Variants in RNF217 observed in about 807,000 individuals in gnomAD.
The protein encoded by RNF217 is E3 ubiquitin-protein ligase RNF217.
In RNF217, 31 loss-of-function variants were observed where a neutral mutation model predicts 57.8. That is an observed-to-expected ratio of 0.54 (90% CI 0.40 to 0.72). The LOEUF is 0.72. RNF217 is among the 30% of genes least tolerant of loss of function. The pLI is 0.00. For synonymous variants in RNF217, 313 were observed against 294.0 expected (o/e 1.06, Z -0.66); for missense variants, 696 against 708.3 (o/e 0.98, Z 0.20).
At chr6:125,049,021 A>G (rs1298927909) in intron 2 of RNF217, among the ~76,000 whole-genome samples, 1 of 152,018 alleles carries the variant, frequency 6.6e-6, no homozygotes, top group Non-Finnish European at 1.5e-5. Flanking sequence ...TCTTCTCCCT[A>G]AAACTCTTGT....
At chr6:125,052,326 A>ATTTGT (rs557558665) in intron 2 of RNF217, among the ~76,000 whole-genome samples, 7,157 of 129,966 alleles carry the variant, frequency 0.055, 429 homozygotes, top group African/African-American at 0.16. Context: ...GTGTGGTTTT[A>ATTTGT]TTTGTTTTGT....
chr6:125,041,583 C>T lies in RNF217; in HGVS notation c.883-3628C>T, dbSNP rs79977753. On this transcript the variant is annotated intron_variant, in intron 1 of 5. Coordinates refer to ENST00000521654, the MANE Select transcript of RNF217 (RefSeq NM_001286398.3). ...GCTCTGAGCAGAGGCAAATCAGACA[C>T]CTTCTGACTGGAGCCAATGTTCTTG... Among the ~76,000 whole-genome samples the T allele has an allele frequency of 3.2e-4, 48 of 152,204 alleles. No individual in the cohort carries two copies. In the East Asian group the frequency reaches 7.7e-3, roughly 25 times the overall value.
At chr6:125,022,520 T>C (rs1376402470) in intron 1 of RNF217, among the ~76,000 whole-genome samples, 2 of 152,156 alleles carry the variant, frequency 1.3e-5, no homozygotes, top group East Asian at 3.9e-4. Flanking sequence ...AATTAGCACA[T>C]TGAGTGCAAC....
At chr6:124,970,170 T>C (rs754133359) in intron 1 of RNF217, among the ~76,000 whole-genome samples, 1 of 152,186 alleles carries the variant, frequency 6.6e-6, no homozygotes. Flanking sequence ...AAGAAGATAC[T>C]GAGCAACAGA....
Position 125,090,557 on chromosome 6 carries a change from T to C in RNF217, c.*7620T>C, listed in dbSNP as rs1397614255. 1 of 151,732 alleles carries C rather than the reference T, an allele frequency of 6.6e-6. No individual in the cohort carries two copies. Among genetic ancestry groups the C allele is most frequent in the African/African-American group, 2.4e-5 (1 of 41,454 alleles). 9.4% of individuals were successfully genotyped at this position (151,732 alleles called of 1,614,324 possible). Reference sequence around the variant, plus strand: ...CAGAAATTACAGTTCTAAGGAATTATTGTCATCCTCTAAGTATCAGAATGT... The same window carrying C: ...CAGAAATTACAGTTCTAAGGAATTACTGTCATCCTCTAAGTATCAGAATGT... On this transcript the variant is annotated 3_prime_UTR_variant, in exon 6 of 6. Coordinates refer to ENST00000521654, the MANE Select transcript of RNF217 (RefSeq NM_001286398.3).
intron 1 of RNF217, among the ~76,000 whole-genome samples, chr6:125,031,254 T>G (rs1405306253): frequency 6.6e-6 from 1 of 152,218 alleles, no homozygotes; most frequent in African/African-American, 2.4e-5. Flanking sequence ...GATGAAGGCC[T>G]CTGACATGGC....
intron 1 of RNF217, among the ~76,000 whole-genome samples, chr6:124,985,037 G>A (rs1239032569): frequency 3.9e-5 from 6 of 152,140 alleles, no homozygotes; most frequent in Non-Finnish European, 5.9e-5. Flanking sequence ...GCCAATAAAT[G>A]TATACAAAAA....
chr6:125,013,012 T>A (rs1785467704), intron 1 of RNF217, among the ~76,000 whole-genome samples: 1 of 152,196 alleles, frequency 6.6e-6, no homozygotes, highest in Non-Finnish European at 1.5e-5. Context: ...AGCATTTCTA[T>A]CTTGATTCTT....
intron 1 of RNF217, among the ~76,000 whole-genome samples, chr6:124,997,705 T>G (rs1784805718): frequency 6.6e-6 from 1 of 152,192 alleles, no homozygotes; most frequent in Non-Finnish European, 1.5e-5. Context: ...TCAGGGTAAA[T>G]CCTGCATCTT....
chr6:125,024,244 C>T (rs1562473331), intron 1 of RNF217, among the ~76,000 whole-genome samples: 1 of 151,996 alleles, frequency 6.6e-6, no homozygotes, highest in Non-Finnish European at 1.5e-5. Flanking sequence ...GAAGAAAAGT[C>T]GGGAGGGGAT....
At chr6:125,047,091 A>G (rs1002927284) in intron 2 of RNF217, among the ~76,000 whole-genome samples, 26 of 152,236 alleles carry the variant, frequency 1.7e-4, no homozygotes, top group Non-Finnish European at 2.8e-4. Context: ...GTATAAGATC[A>G]GGAAATTACT....
chr6:125,013,793 G>A (rs1785508203), intron 1 of RNF217, among the ~76,000 whole-genome samples: 1 of 152,126 alleles, frequency 6.6e-6, no homozygotes, highest in East Asian at 1.9e-4. Context: ...TAGTCTAGCA[G>A]ATCTATTTCC....
chr6:124,967,168 T>A (rs1279167595), intron 1 of RNF217, among the ~76,000 whole-genome samples: 1 of 152,224 alleles, frequency 6.6e-6, no homozygotes, highest in Admixed American at 6.5e-5. Context: ...AGAAGTACAT[T>A]TCCCAGTGAC....
At chr6:125,044,987 A>G (rs1007475275) in intron 1 of RNF217, among the ~76,000 whole-genome samples, 4 of 152,076 alleles carry the variant, frequency 2.6e-5, no homozygotes, top group Admixed American at 1.3e-4. Context: ...ATGATCAGAG[A>G]AGACTTAAAT....
intron 4 of RNF217, among the ~76,000 whole-genome samples, chr6:125,078,996 T>A (rs1239471324): frequency 6.6e-6 from 1 of 152,162 alleles, no homozygotes; most frequent in Non-Finnish European, 1.5e-5. Flanking sequence ...ACTGTCCTTG[T>A]GTGATGTGAC....
intron 1 of RNF217, among the ~76,000 whole-genome samples, chr6:125,010,742 C>G (rs765603042): frequency 5.3e-5 from 8 of 152,004 alleles, no homozygotes; most frequent in Non-Finnish European, 8.8e-5. Flanking sequence ...ACCCTATTAC[C>G]CACAGGTTAA....
chr6:124,998,797 C>A (rs12211389), intron 1 of RNF217, among the ~76,000 whole-genome samples: 3 of 151,932 alleles, frequency 2.0e-5, no homozygotes, highest in Non-Finnish European at 2.9e-5. Context: ...GACTCTGTCT[C>A]AAAAAACAAA....
At chr6:124,990,399 A>G (rs963431283) in intron 1 of RNF217, among the ~76,000 whole-genome samples, 10 of 152,188 alleles carry the variant, frequency 6.6e-5, no homozygotes, top group Non-Finnish European at 7.3e-5. Flanking sequence ...TTATACATCT[A>G]TGTAATATAT....
At chr6:125,042,293 G>A (rs1786912721) in intron 1 of RNF217, among the ~76,000 whole-genome samples, 1 of 152,066 alleles carries the variant, frequency 6.6e-6, no homozygotes, top group African/African-American at 2.4e-5. Context: ...TAGGTCTTGA[G>A]TGGGCCATGA....
Sources: allele counts gnomAD v4.1 joint callset (sites outside exome capture counted in the v4.1 genomes callset), GRCh38; gene constraint gnomAD v4.1.1; transcripts MANE v1.5; gene names NCBI Gene and HGNC (gene_info 2026-07-23, HGNC 2026-07-21).